Variants in PDE4D observed in about 807,000 individuals in gnomAD.
The protein encoded by PDE4D is 3',5'-cyclic-AMP phosphodiesterase 4D.
PDE4D carries 24 observed loss-of-function variants against 87.4 expected under a neutral mutation model. That is an observed-to-expected ratio of 0.27 (90% confidence interval 0.20 to 0.39). The LOEUF is 0.39. Among genes scored for constraint, PDE4D ranks in the 10% least tolerant of loss-of-function variants. The pLI is 1.00. For synonymous variants in PDE4D, 384 were observed against 383.2 expected (o/e 1.00, Z -0.02); for missense variants, 714 against 1,041.0 (o/e 0.69, Z 4.32).
chr5:60,488,428 T>C (rs1203190429), upstream of PDE4D: 1 of 151,674 alleles, frequency 6.6e-6, no homozygotes, highest in Non-Finnish European at 1.5e-5. Flanking sequence ...CCTGAGGTAA[T>C]TTTCATCTTT....
chr5:59,512,992 C>T lies in PDE4D; in HGVS notation c.456-297024G>A, dbSNP rs147627430. ...TGTTTTTCCCATTAATGTAGAAGCA[C>T]ATTACATATCGTTTTCAAAGTCTAA... On this transcript the variant is annotated intron_variant, in intron 1 of 14. Transcript: ENST00000340635. Among the ~76,000 whole-genome samples, 1,122 of 152,102 alleles carry T rather than the reference C, an allele frequency of 7.4e-3. 15 individuals carry two copies. The highest frequency in any genetic ancestry group is 0.025 in the African/African-American group (1,056 of 41,508).
At chr5:60,219,286 C>A (rs1295918644) in intron 1 of PDE4D, among the ~76,000 whole-genome samples, 1 of 151,980 alleles carries the variant, frequency 6.6e-6, no homozygotes, top group Non-Finnish European at 1.5e-5. Flanking sequence ...ATTGTTGTTA[C>A]AATAGATGTA....
chr5:59,210,896 ACTTAT>A (rs1434791304), intron 2 of PDE4D, among the ~76,000 whole-genome samples: 3 of 152,314 alleles, frequency 2.0e-5, no homozygotes, highest in Middle Eastern at 3.4e-3. Flanking sequence ...ACTTAATTCT[ACTTAT>A]CTTGTCATTG....
At chr5:60,396,309 T>C (rs1455933621) in intron 1 of PDE4D, among the ~76,000 whole-genome samples, 1 of 152,152 alleles carries the variant, frequency 6.6e-6, no homozygotes, top group African/African-American at 2.4e-5. Context: ...TCCTGTGTCT[T>C]CCTTTATGAA....
chr5:60,123,587 A>T (rs1216252507), intron 2 of PDE4D, among the ~76,000 whole-genome samples: 1 of 151,982 alleles, frequency 6.6e-6, no homozygotes, highest in East Asian at 1.9e-4. Context: ...AACATTTGGG[A>T]ATTATGGGAG....
At position 59,921,624 on chromosome 5, in the gene PDE4D, T is replaced by C. The variant is rs1561863440; in HGVS notation, c.272+66864A>G. ...AAATACTGTACTCAGACAGTATTGA[T>C]TAATAGCTTGAGATTAACCTGGAAA... On this transcript the variant is annotated intron_variant, in intron 3 of 16. Coordinates refer to the PDE4D transcript ENST00000502484. Among the ~76,000 whole-genome samples, 6 of 152,338 alleles carry C rather than the reference T, an allele frequency of 3.9e-5. No individual in the cohort carries two copies. The South Asian group carries it at 1.2e-3, about 32-fold the overall frequency.
intron 5 of PDE4D, among the ~76,000 whole-genome samples, chr5:59,129,248 C>A (rs1006004747): frequency 2.0e-5 from 3 of 152,122 alleles, no homozygotes; most frequent in Admixed American, 1.3e-4. Flanking sequence ...TGTTGGAATG[C>A]ATGAAATTCA....
chr5:59,228,781 C>A (rs1754442687), intron 1 of PDE4D, among the ~76,000 whole-genome samples: 1 of 152,160 alleles, frequency 6.6e-6, no homozygotes. Context: ...CCTCTCTAAT[C>A]TCATCTTTAC....
chr5:60,430,528 G>GTTTTTTT (rs1561247511), intron 1 of PDE4D, among the ~76,000 whole-genome samples: 3 of 118,466 alleles, frequency 2.5e-5, no homozygotes, highest in African/African-American at 1.2e-4. Flanking sequence ...TTTTTTGTTT[G>GTTTTTTT]TGTTTTGTTT....
At chr5:60,285,765 T>C (rs962210618) in intron 1 of PDE4D, among the ~76,000 whole-genome samples, 3 of 152,174 alleles carry the variant, frequency 2.0e-5, no homozygotes, top group Non-Finnish European at 4.4e-5. Flanking sequence ...CCCAAATTCA[T>C]CAAATATGGA....
Position 60,312,346 on chromosome 5 carries a change from C to T in PDE4D, c.-89-126659G>A, listed in dbSNP as rs56262429. On this transcript the variant is annotated intron_variant, in intron 1 of 16. Coordinates refer to the PDE4D transcript ENST00000502484. The stretch of plus-strand genomic sequence containing the variant: ...AAAAAAACGGAAATCATACCAACCA[C>T]ACTTTCAGACCACAGCTTAATGAAA... 5.2e-3 allele frequency among the ~76,000 whole-genome samples: 796 copies of T among 152,298 alleles called. 2 individuals carry two copies. Among genetic ancestry groups the T allele is most frequent in the Non-Finnish European group, 7.6e-3 (520 of 68,012 alleles).
intron 1 of PDE4D, among the ~76,000 whole-genome samples, chr5:60,426,791 A>G (rs1167857063): frequency 6.6e-6 from 1 of 152,344 alleles, no homozygotes; most frequent in East Asian, 1.9e-4. Flanking sequence ...GCTTTTGTAA[A>G]TATGTTAAAG....
chr5:60,336,039 G>A (rs1757724624), intron 1 of PDE4D, among the ~76,000 whole-genome samples: 1 of 152,150 alleles, frequency 6.6e-6, no homozygotes, highest in South Asian at 2.1e-4. Flanking sequence ...TAGGTTATTG[G>A]AGAGCGAGGA....
intron 2 of PDE4D, among the ~76,000 whole-genome samples, chr5:60,071,004 T>C (rs1475374453): frequency 1.3e-5 from 2 of 152,090 alleles, no homozygotes; most frequent in Non-Finnish European, 2.9e-5. Flanking sequence ...TTCTTTCTTA[T>C]TTTGTGGCAT....
intron 1 of PDE4D, among the ~76,000 whole-genome samples, chr5:60,327,223 A>C (rs1391762500): frequency 6.6e-6 from 1 of 152,180 alleles, no homozygotes; most frequent in Non-Finnish European, 1.5e-5. Flanking sequence ...GCCAAACCTA[A>C]ATGCTGTTAT....
intron 1 of PDE4D, among the ~76,000 whole-genome samples, chr5:60,251,470 C>T (rs1291552690): frequency 2.0e-5 from 3 of 151,836 alleles, no homozygotes; most frequent in East Asian, 1.9e-4. Flanking sequence ...TTTGGTTTTC[C>T]GTTTCTGCAT....
chr5:59,156,349 G>C (rs1449624107), intron 5 of PDE4D, among the ~76,000 whole-genome samples: 15 of 140,614 alleles, frequency 1.1e-4, no homozygotes, highest in African/African-American at 3.4e-4. Flanking sequence ...GTGTGTGTGT[G>C]TGTGTGTGTG....
At chr5:59,245,705 C>T (rs796610765) in intron 1 of PDE4D, among the ~76,000 whole-genome samples, 2 of 152,064 alleles carry the variant, frequency 1.3e-5, no homozygotes, top group Non-Finnish European at 2.9e-5. Flanking sequence ...CTGGTTCTGC[C>T]AGGAGCTTCG....
At chr5:59,296,122 G>T (rs1259292940) in intron 1 of PDE4D, among the ~76,000 whole-genome samples, 2 of 152,070 alleles carry the variant, frequency 1.3e-5, no homozygotes, top group Admixed American at 1.3e-4. Context: ...TGGGGTCGGG[G>T]TGGTTACTAG....
Sources: gnomAD v4.1 joint callset for allele counts (sites outside exome capture counted in the v4.1 genomes callset) on GRCh38, gnomAD v4.1.1 for gene constraint, MANE v1.5 for transcripts, NCBI Gene and HGNC (gene_info 2026-07-23, HGNC 2026-07-21) for gene names.